Variants in EPHB2 observed in about 807,000 individuals in gnomAD.
EPHB2 encodes ephrin type-B receptor 2.
A neutral mutation model predicts 96.4 loss-of-function variants in EPHB2; 18 were observed. The ratio of observed to expected loss-of-function variants is 0.19; its 90% CI spans 0.13 to 0.28. The LOEUF is 0.28. Among genes scored for constraint, EPHB2 ranks in the 10% least tolerant of loss-of-function variants. The pLI is 1.00. For missense variants in EPHB2, 989 were observed against 1,355.4 expected (o/e 0.73, Z 4.25); for synonymous variants, 506 against 534.1 (o/e 0.95, Z 0.72).
chr1:22,784,356 C>G lies in EPHB2; in HGVS notation c.127-36C>G. The G allele has an allele frequency of 6.2e-7, 1 of 1,606,154 alleles. No homozygotes were observed. Among genetic ancestry groups the G allele is most frequent in the African/African-American group, 1.3e-5 (1 of 74,858 alleles). ...GACTGAGTGTGTGCTGGGGCTGAGC[C>G]CTTACCTCCCCACCTGACGAGCATT... On this transcript the variant is annotated intron_variant, in intron 2 of 15. Coordinates refer to ENST00000374630, the MANE Select transcript of EPHB2 (RefSeq NM_017449.5). The surrounding 1 kb of genome is among the most constrained non-coding windows in gnomAD (Gnocchi z 5.1).
chr1:22,779,468 C>G (rs1644498312), intron 1 of EPHB2, among the ~76,000 whole-genome samples: 1 of 152,154 alleles, frequency 6.6e-6, no homozygotes, highest in African/African-American at 2.4e-5. Flanking sequence ...CACCTCTGAC[C>G]AAATGCTTCC....
At chr1:22,866,882 C>T (rs1420855348) in intron 5 of EPHB2, among the ~76,000 whole-genome samples, 1 of 152,070 alleles carries the variant, frequency 6.6e-6, no homozygotes, top group Non-Finnish European at 1.5e-5. Flanking sequence ...TGCAGTGAGC[C>T]GAGATCATGC....
At chr1:22,785,191 C>T (rs1644593681) in intron 3 of EPHB2, 115 bp downstream of exon 3, 4 of 1,309,236 alleles carry the variant, frequency 3.1e-6, no homozygotes, top group East Asian at 5.0e-5. Context: ...CCATGAGGCA[C>T]TCTAGGGCCA....
chr1:22,843,224 T>C (rs1645494245), intron 3 of EPHB2, among the ~76,000 whole-genome samples: 1 of 152,170 alleles, frequency 6.6e-6, no homozygotes, highest in Admixed American at 6.5e-5. Context: ...GTGTCCCCAT[T>C]TTACACCTGA....
At chr1:22,799,045 G>A (rs950234680) in intron 3 of EPHB2, among the ~76,000 whole-genome samples, 23 of 152,156 alleles carry the variant, frequency 1.5e-4, no homozygotes, top group African/African-American at 7.2e-5. Context: ...TCACGGCACT[G>A]TTTTAACCAG....
intron 1 of EPHB2, among the ~76,000 whole-genome samples, chr1:22,769,932 A>G (rs918025723): frequency 2.0e-5 from 3 of 152,362 alleles, no homozygotes. Context: ...GATGCTGGGC[A>G]TAGGGGTGAG....
intron 1 of EPHB2, among the ~76,000 whole-genome samples, chr1:22,713,151 G>A (rs1643199734): frequency 6.6e-6 from 1 of 152,160 alleles, no homozygotes. Flanking sequence ...CCACAGCAGG[G>A]TGGGAGGAGG....
intron 3 of EPHB2, among the ~76,000 whole-genome samples, chr1:22,851,361 G>T (rs1315319977): frequency 2.0e-5 from 3 of 152,210 alleles, no homozygotes; most frequent in Non-Finnish European, 4.4e-5. Flanking sequence ...TGAGCTGATG[G>T]CTGTTCTGCA....
chr1:22,859,521 C>T (rs1268760630), intron 3 of EPHB2, among the ~76,000 whole-genome samples: 1 of 152,158 alleles, frequency 6.6e-6, no homozygotes, highest in Non-Finnish European at 1.5e-5. Context: ...TAAGGCTGGG[C>T]TCAGTGGCTC....
At chr1:22,753,753 A>G (rs1302754515) in intron 1 of EPHB2, among the ~76,000 whole-genome samples, 1 of 152,116 alleles carries the variant, frequency 6.6e-6, no homozygotes, top group Non-Finnish European at 1.5e-5. Flanking sequence ...TTCTTTGGAC[A>G]TCCTTTCACT....
chr1:22,903,129 A>G (rs568109822), intron 9 of EPHB2, among the ~76,000 whole-genome samples: 48 of 152,348 alleles, frequency 3.2e-4, no homozygotes, highest in Non-Finnish European at 5.9e-4. Flanking sequence ...CCTGCAAGCA[A>G]CAGAGGCCCT....
intron 3 of EPHB2, among the ~76,000 whole-genome samples, chr1:22,804,570 C>T (rs1051872084): frequency 6.6e-6 from 1 of 152,058 alleles, no homozygotes; most frequent in Non-Finnish European, 1.5e-5. Flanking sequence ...AGTCCTCAGC[C>T]ACCCTCCTTA....
chr1:22,711,772 A>G (rs1313435936), intron 1 of EPHB2, among the ~76,000 whole-genome samples: 1 of 151,962 alleles, frequency 6.6e-6, no homozygotes, highest in Non-Finnish European at 1.5e-5. Context: ...GGAACTCTCC[A>G]GCTGCCGCCG....
chr1:22,761,179 A>G (rs1644230831), intron 1 of EPHB2, among the ~76,000 whole-genome samples: 1 of 152,184 alleles, frequency 6.6e-6, no homozygotes, highest in South Asian at 2.1e-4. Context: ...TGATGTTTTT[A>G]AAACGTGCCT....
chr1:22,843,809 G>A (rs1341398555), intron 3 of EPHB2, among the ~76,000 whole-genome samples: 1 of 152,208 alleles, frequency 6.6e-6, no homozygotes, highest in African/African-American at 2.4e-5. Context: ...CCAAAGTGCT[G>A]GGATTACAGG....
chr1:22,827,112 A>T lies in EPHB2; in HGVS notation c.812-35925A>T, dbSNP rs571743657. On this transcript the variant is annotated intron_variant, in intron 3 of 15. Transcript: ENST00000374630. ...CACAAGATTTCTATGAAAGGAGAAG[A>T]ACCCCTCACCTTTCTCGATTCCCCT... is the stretch of plus-strand genomic sequence containing the variant. 3.3e-5 allele frequency among the ~76,000 whole-genome samples: 5 copies of T among 152,300 alleles called. No individual in the cohort carries two copies. In the South Asian group the frequency reaches 1.0e-3, roughly 32 times the overall value.
chr1:22,786,094 C>T (rs1644606589), intron 3 of EPHB2, among the ~76,000 whole-genome samples: 1 of 152,202 alleles, frequency 6.6e-6, no homozygotes, highest in Non-Finnish European at 1.5e-5. Context: ...GTGAGAGGTA[C>T]ACCCTGGTGC....
intron 1 of EPHB2, among the ~76,000 whole-genome samples, chr1:22,726,188 C>T (rs954399416): frequency 6.6e-6 from 1 of 152,170 alleles, no homozygotes; most frequent in African/African-American, 2.4e-5. Context: ...GGCAAGGCCT[C>T]CTTCCTCCTT....
At position 22,858,540 on chromosome 1, in the gene EPHB2, G is replaced by A. The variant is rs187669832; in HGVS notation, c.812-4497G>A. On this transcript the variant is annotated intron_variant, in intron 3 of 15. Transcript: ENST00000374630. The surrounding 1 kb of genome is among the most constrained non-coding windows in gnomAD (Gnocchi z 7.7). ...GGAGGAGGCCTTCCCAAGCCCACACGCCCGTCAGAGGTACAACTGCCTTCC... is the reference window on the plus strand; with the variant it reads ...GGAGGAGGCCTTCCCAAGCCCACACACCCGTCAGAGGTACAACTGCCTTCC... Among the ~76,000 whole-genome samples the A allele has an allele frequency of 8.0e-4, 122 of 152,228 alleles. No individual in the cohort carries two copies. Among genetic ancestry groups the A allele is most frequent in the Middle Eastern group, 3.4e-3 (1 of 294 alleles).
Sources: allele counts gnomAD v4.1 joint callset (sites outside exome capture counted in the v4.1 genomes callset), GRCh38; gene constraint gnomAD v4.1.1; non-coding constraint Gnocchi (gnomAD v3.1); transcripts MANE v1.5; gene names NCBI Gene and HGNC (gene_info 2026-07-23, HGNC 2026-07-21).